Variants in TNNI3K observed in about 807,000 individuals in gnomAD.
TNNI3K encodes the protein serine/threonine-protein kinase TNNI3K.
A neutral mutation model predicts 114.5 loss-of-function variants in TNNI3K; 140 were observed. The observed-to-expected ratio is 1.22, with a 90% CI of 1.07 to 1.41. TNNI3K has a LOEUF of 1.41. TNNI3K is among the 40% of genes most tolerant of loss of function. The pLI, the probability that TNNI3K is intolerant of heterozygous loss-of-function variation, is 0.00. For missense variants in TNNI3K, 1,125 were observed against 1,007.6 expected (o/e 1.12, Z -1.58); for synonymous variants, 347 against 347.5 (o/e 1.00, Z 0.02).
chr1:74,539,427 A>G (rs1378637022), intron 23 of TNNI3K, among the ~76,000 whole-genome samples: 1 of 152,178 alleles, frequency 6.6e-6, no homozygotes, highest in Non-Finnish European at 1.5e-5. Flanking sequence ...TTATAGATAT[A>G]CAATTAACTG....
At chr1:74,272,160 T>A (rs1392695763) in intron 5 of TNNI3K, among the ~76,000 whole-genome samples, 4 of 151,980 alleles carry the variant, frequency 2.6e-5, no homozygotes, top group African/African-American at 4.8e-5. Flanking sequence ...ACTTATGTAT[T>A]ACTTGAATGA....
chr1:74,295,316 A>C (rs1403194569), intron 5 of TNNI3K, among the ~76,000 whole-genome samples: 1 of 152,150 alleles, frequency 6.6e-6, no homozygotes. Flanking sequence ...CTCTGCATAC[A>C]TGAAAAATAT....
intron 23 of TNNI3K, among the ~76,000 whole-genome samples, chr1:74,531,837 ATAT>A (rs933674480): frequency 6.6e-6 from 1 of 152,226 alleles, no homozygotes; most frequent in African/African-American, 2.4e-5. Flanking sequence ...CCTTGTGCTA[ATAT>A]TATCACATAG....
intron 4 of TNNI3K, among the ~76,000 whole-genome samples, chr1:74,269,484 T>A (rs557251181): frequency 3.9e-5 from 6 of 151,946 alleles, no homozygotes; most frequent in African/African-American, 9.6e-5. Flanking sequence ...CAGGATGGAC[T>A]GCAATGGGAA....
At chr1:74,424,282 A>G (rs1665526547) in intron 17 of TNNI3K, among the ~76,000 whole-genome samples, 1 of 152,178 alleles carries the variant, frequency 6.6e-6, no homozygotes, top group South Asian at 2.1e-4. Flanking sequence ...AAAAGATTCC[A>G]CTGGATTTAA....
At chr1:74,489,023 A>C (rs1357203590) in intron 21 of TNNI3K, among the ~76,000 whole-genome samples, 166 bp from the exon 22 acceptor site, 1 of 152,256 alleles carries the variant, frequency 6.6e-6, no homozygotes, top group Admixed American at 6.5e-5. Context: ...CTCCATGAAC[A>C]GCAAATGAAC....
chr1:74,533,441 G>A (rs1326882311), intron 23 of TNNI3K, among the ~76,000 whole-genome samples: 1 of 152,176 alleles, frequency 6.6e-6, no homozygotes, highest in Non-Finnish European at 1.5e-5. Flanking sequence ...TGGAGAAATA[G>A]GAACACTTTT....
chr1:74,478,600 T>C (rs956577825), intron 21 of TNNI3K, among the ~76,000 whole-genome samples: 2 of 152,192 alleles, frequency 1.3e-5, no homozygotes, highest in African/African-American at 2.4e-5. Flanking sequence ...GTTCAAGAAA[T>C]GCTCCATATC....
chr1:74,247,270 G>A (rs771645910), intron 2 of TNNI3K, among the ~76,000 whole-genome samples: 34 of 151,986 alleles, frequency 2.2e-4, no homozygotes, highest in Admixed American at 7.2e-4. Context: ...CTCTTACCGC[G>A]GCGCATCTGG....
chr1:74,335,024 C>T (rs554722850), intron 6 of TNNI3K, among the ~76,000 whole-genome samples: 1 of 152,204 alleles, frequency 6.6e-6, no homozygotes, highest in South Asian at 2.1e-4. Context: ...CTCATCTAGC[C>T]CCACATTAAC....
intron 17 of TNNI3K, among the ~76,000 whole-genome samples, chr1:74,392,172 T>A (rs1186821138): frequency 6.6e-6 from 1 of 152,052 alleles, no homozygotes; most frequent in Non-Finnish European, 1.5e-5. Context: ...AAGTCTGTCA[T>A]AAGTGGTAAC....
intron 23 of TNNI3K, among the ~76,000 whole-genome samples, chr1:74,519,685 T>G (rs1646402664): frequency 6.6e-6 from 1 of 152,160 alleles, no homozygotes; most frequent in Admixed American, 6.5e-5. Context: ...TCTTACAAAA[T>G]AACCCCACAG....
chr1:74,323,876 A>G (rs1364859863), intron 5 of TNNI3K, among the ~76,000 whole-genome samples: 1 of 152,202 alleles, frequency 6.6e-6, no homozygotes, highest in Non-Finnish European at 1.5e-5. Context: ...GAAAAGCAAC[A>G]CTTAAGAGAT....
chr1:74,526,974 A>T (rs1171360578), intron 23 of TNNI3K, among the ~76,000 whole-genome samples: 1 of 152,254 alleles, frequency 6.6e-6, no homozygotes, highest in East Asian at 1.9e-4. Flanking sequence ...GCAAGAGACC[A>T]TATGGTCCAC....
intron 9 of TNNI3K, among the ~76,000 whole-genome samples, chr1:74,348,377 A>G (rs966734793): frequency 2.6e-5 from 4 of 152,340 alleles, no homozygotes; most frequent in East Asian, 1.9e-4. Context: ...TGGTAGCAGT[A>G]CCATGCTGTT....
intron 5 of TNNI3K, among the ~76,000 whole-genome samples, chr1:74,327,645 T>C (rs1324931461): frequency 3.4e-5 from 3 of 88,360 alleles, no homozygotes; most frequent in African/African-American, 1.0e-4. Context: ...AGATATGTCT[T>C]TTTATATATC....
chr1:74,502,381 C>T (rs1408575699), intron 23 of TNNI3K, among the ~76,000 whole-genome samples: 1 of 152,118 alleles, frequency 6.6e-6, no homozygotes, highest in Non-Finnish European at 1.5e-5. Context: ...TGAAGTATGC[C>T]TCATGGTTTC....
intron 21 of TNNI3K, among the ~76,000 whole-genome samples, chr1:74,486,630 GATA>G (rs1468249647): frequency 6.6e-6 from 1 of 151,428 alleles, no homozygotes; most frequent in Non-Finnish European, 1.5e-5. Context: ...CTGGGCTAGA[GATA>G]ATAATCTGGA....
chr1:74,437,077 G>A (rs2100664512), intron 19 of TNNI3K, among the ~76,000 whole-genome samples: 1 of 152,096 alleles, frequency 6.6e-6, no homozygotes, highest in East Asian at 1.9e-4. Flanking sequence ...CTGAAAAAAA[G>A]TAGACTTCTC....
Sources: gnomAD v4.1 joint callset for allele counts (sites outside exome capture counted in the v4.1 genomes callset) on GRCh38, gnomAD v4.1.1 for gene constraint, MANE v1.5 for transcripts, NCBI Gene and HGNC (gene_info 2026-07-23, HGNC 2026-07-21) for gene names.